CCDC32: variants seen among roughly 807,000 people sequenced by gnomAD.
CCDC32 encodes coiled-coil domain containing 32, also known as coiled-coil domain-containing protein 32.
Under a neutral mutation model 20.1 loss-of-function variants are expected in CCDC32, and 9 were observed. The ratio of observed to expected loss-of-function variants is 0.45; its 90% confidence interval spans 0.27 to 0.78. CCDC32 has a LOEUF of 0.78. CCDC32 is among the 30% of genes least tolerant of loss of function. The probability of loss-of-function intolerance (pLI) is 0.16; values close to 1 mark genes in which losing one functional copy is unlikely to be tolerated. For synonymous variants in CCDC32, 63 were observed against 79.0 expected (o/e 0.80, Z 1.07); for missense variants, 204 against 215.5 (o/e 0.95, Z 0.33).
At position 40,543,146 on chromosome 15, in the gene CCDC32, A is replaced by AG. The variant is rs1889470411; in HGVS notation, c.402-3792_402-3791insC. On this transcript the variant is annotated intron_variant, in intron 3 of 3. Coordinates refer to the CCDC32 transcript ENST00000558113. ...GACAGAGCCAGACTCTGTCTAAAAA[A>AG]AAAAACAAAATGGAAAAGAAAGAGA... 2.0e-5 allele frequency among the ~76,000 whole-genome samples: 3 copies of AG among 152,102 alleles called. No homozygotes were observed. The South Asian group carries it at 6.3e-4, about 32-fold the overall frequency.
downstream of CCDC32, chr15:40,535,698 G>C: frequency 2.1e-6 from 2 of 957,432 alleles, no homozygotes; most frequent in Non-Finnish European, 2.5e-6. Context: ...AGTCATCAGT[G>C]TGCGGGATTT....
chr15:40,530,536 T>TCTCC (rs1482205562), downstream of CCDC32, among the ~76,000 whole-genome samples: 1 of 148,894 alleles, frequency 6.7e-6, no homozygotes, highest in Non-Finnish European at 1.5e-5. Flanking sequence ...ACCTCCTCTC[T>TCTCC]CTCTCTCTTG....
In CCDC32 at chr15:40,564,986, G is replaced by A; in HGVS notation, c.-23C>T. 1.6e-6 allele frequency: 1 copy of A among 609,728 alleles called. No individual in the cohort carries two copies. The highest frequency in any genetic ancestry group is 2.9e-6 in the Non-Finnish European group (1 of 346,560). 37.8% of individuals were successfully genotyped at this position (609,728 alleles called of 1,614,324 possible). ...CCCCTCCTCACTTACCGTAACAGCT[G>A]CCCAGTAAACGCTTGGCTCAGCTCT... On this transcript the variant is annotated 5_prime_UTR_variant, in exon 1 of 4. Transcript: ENST00000416810.
intron 3 of CCDC32, among the ~76,000 whole-genome samples, chr15:40,555,998 C>A (rs924613540): frequency 2.0e-5 from 3 of 152,210 alleles, no homozygotes; most frequent in Non-Finnish European, 4.4e-5. Flanking sequence ...GTTCTATACC[C>A]TTTACAAATA....
chr15:40,528,371 G>A (rs1894926093), downstream of CCDC32, among the ~76,000 whole-genome samples: 1 of 152,204 alleles, frequency 6.6e-6, no homozygotes, highest in South Asian at 2.1e-4. Flanking sequence ...TGAGAGTGAA[G>A]GGAAGAGTAG....
chr15:40,527,261 C>T (rs1320531614), downstream of CCDC32, among the ~76,000 whole-genome samples: 1 of 152,148 alleles, frequency 6.6e-6, no homozygotes, highest in Non-Finnish European at 1.5e-5. Flanking sequence ...ACCTCTGCCT[C>T]CCGGGTTCAA....
chr15:40,524,707 T>C (rs1183613288), downstream of CCDC32, among the ~76,000 whole-genome samples: 1 of 151,346 alleles, frequency 6.6e-6, no homozygotes, highest in Non-Finnish European at 1.5e-5. Flanking sequence ...TGTATACCTT[T>C]GGAAAAATTC....
intron 3 of CCDC32, among the ~76,000 whole-genome samples, chr15:40,545,047 C>T (rs1390228048): frequency 6.6e-6 from 1 of 152,132 alleles, no homozygotes; most frequent in Non-Finnish European, 1.5e-5. Flanking sequence ...GAAAAAGAAA[C>T]CAACAACATG....
chr15:40,522,194 C>T, the CCDC32 span, among the ~76,000 whole-genome samples: 18 of 152,194 alleles, frequency 1.2e-4, no homozygotes, highest in Non-Finnish European at 2.4e-4. Context: ...GTTGTCCCAA[C>T]ACCATTTGTT....
At chr15:40,564,401 C>T (rs1296188687) in intron 1 of CCDC32, among the ~76,000 whole-genome samples, 1 of 152,070 alleles carries the variant, frequency 6.6e-6, no homozygotes, top group Non-Finnish European at 1.5e-5. Context: ...ACAGGAAAAC[C>T]AGATCTGTGC....
downstream of CCDC32, chr15:40,532,194 C>A: frequency 3.0e-6 from 2 of 664,846 alleles, no homozygotes; most frequent in South Asian, 3.3e-5. Flanking sequence ...AGGATCTGGT[C>A]AAGGGATAGG....
chr15:40,553,427 G>A lies in CCDC32; in HGVS notation c.*544C>T, dbSNP rs1458794733. On this transcript the variant is annotated 3_prime_UTR_variant, in exon 4 of 4. Coordinates refer to ENST00000416810, the MANE Select transcript of CCDC32 (RefSeq NM_001080792.4). ...AGCCCAGCCTCTCTCCCTGGAGTCC[G>A]TATACTTACTACAGATTTGTTAGAG... 49 of 985,472 alleles carry A rather than the reference G, an allele frequency of 5.0e-5. No individual in the cohort carries two copies. The highest frequency in any genetic ancestry group is 1.4e-4 in the South Asian group (3 of 21,298). 61.0% of individuals were successfully genotyped at this position (985,472 alleles called of 1,614,324 possible).
At chr15:40,551,398 T>C (rs908886721), downstream of CCDC32, among the ~76,000 whole-genome samples, 2 of 151,376 alleles carry the variant, frequency 1.3e-5, no homozygotes, top group African/African-American at 4.9e-5. Flanking sequence ...AAAAAATCCA[T>C]CCTGAAAGCC....
chr15:40,527,160 A>C (rs1346349030), downstream of CCDC32, among the ~76,000 whole-genome samples: 1 of 150,114 alleles, frequency 6.7e-6, no homozygotes, highest in Non-Finnish European at 1.5e-5. Flanking sequence ...TGTGTTGCCT[A>C]GGCTGGTCTC....
At chr15:40,548,074 A>G (rs1889695882) in intron 3 of CCDC32, among the ~76,000 whole-genome samples, 1 of 151,872 alleles carries the variant, frequency 6.6e-6, no homozygotes, top group Admixed American at 6.6e-5. Context: ...CTCTCCTTCT[A>G]TTTCCTCTCA....
At chr15:40,535,163 G>A, downstream of CCDC32, 5 of 1,139,168 alleles carry the variant, frequency 4.4e-6, no homozygotes, top group South Asian at 1.5e-5. Flanking sequence ...GAAGATTAAC[G>A]TGACGGTGGC....
chr15:40,546,513 A>G (rs1261900231), intron 3 of CCDC32, among the ~76,000 whole-genome samples: 1 of 151,640 alleles, frequency 6.6e-6, no homozygotes, highest in Non-Finnish European at 1.5e-5. Flanking sequence ...CTTAGTTTCC[A>G]TGTCTCTGCC....
intron 2 of CCDC32, chr15:40,557,596 C>T (rs1890335102): frequency 7.2e-6 from 3 of 418,762 alleles, no homozygotes; most frequent in Non-Finnish European, 1.3e-5. Flanking sequence ...ATGTTTAACC[C>T]GAGAAAAGGG....
At chr15:40,540,720 G>A (rs1015231217) in intron 3 of CCDC32, among the ~76,000 whole-genome samples, 1 of 152,074 alleles carries the variant, frequency 6.6e-6, no homozygotes, top group African/African-American at 2.4e-5. Context: ...GAAACTCTGG[G>A]GCCGGGCCAG....
Sources: gnomAD v4.1 joint callset for allele counts (sites outside exome capture counted in the v4.1 genomes callset) on GRCh38, gnomAD v4.1.1 for gene constraint, MANE v1.5 for transcripts, NCBI Gene and HGNC (gene_info 2026-07-23, HGNC 2026-07-21) for gene names.